The following UBA5 variants were observed in gnomAD, a reference collection of about 807,000 sequenced individuals.
The protein encoded by UBA5 is ubiquitin like modifier activating enzyme 5.
Under a neutral mutation model 52.9 loss-of-function variants are expected in UBA5, and 28 were observed. The observed-to-expected ratio is 0.53, with a 90% confidence interval of 0.39 to 0.73. The LOEUF (loss-of-function observed/expected upper bound fraction) is 0.73, where lower values mean the gene tolerates loss of function less well. Among genes scored for constraint, UBA5 ranks in the 30% least tolerant of loss-of-function variants. UBA5 has a pLI of 0.00. For missense variants in UBA5, 388 were observed against 492.7 expected (o/e 0.79, Z 2.01); for synonymous variants, 135 against 162.1 (o/e 0.83, Z 1.27).
chr3:132,661,684 C>T (rs897373248), intron 1 of UBA5, among the ~76,000 whole-genome samples: 1 of 152,126 alleles, frequency 6.6e-6, no homozygotes, highest in Admixed American at 6.5e-5. Flanking sequence ...TTAGATTTGT[C>T]TTAATGTAAA....
chr3:132,672,293 T>A, intron 8 of UBA5, 116 bp downstream of exon 8: 2 of 1,207,904 alleles, frequency 1.7e-6, no homozygotes, highest in Non-Finnish European at 1.1e-6. Context: ...TTAGTTACTT[T>A]AAACTTAAAT....
intron 6 of UBA5, 37 bp from the exon 7 acceptor site, chr3:132,671,735 CTTTTA>C (rs149563481): frequency 0.019 from 28,465 of 1,481,490 alleles, 504 homozygotes; most frequent in South Asian, 0.067. Flanking sequence ...ACTTCTTGCT[CTTTTA>C]TTTTTTTTCC....
upstream of UBA5, chr3:132,659,620 C>T: frequency 6.2e-7 from 1 of 1,610,088 alleles, no homozygotes; most frequent in Non-Finnish European, 8.5e-7. Flanking sequence ...GGGCAATGGT[C>T]AGCGTAGCCT....
Position 132,671,776 on chromosome 3 carries a change from G to A in UBA5, c.580-1G>A. 6.2e-7 allele frequency: 1 copy of A among 1,609,190 alleles called. No individual in the cohort carries two copies. Among genetic ancestry groups the A allele is most frequent in the South Asian group, 1.1e-5 (1 of 89,838 alleles). On this transcript the variant is annotated splice_acceptor_variant, in intron 6 of 11. Transcript: ENST00000356232. LOFTEE classifies it high-confidence loss of function. ...TTATGTTTTCACCCATTTCTACTAA[G>A]GCTTGTAATGAACTTGGACAAACAT...
Position 132,666,645 on chromosome 3 carries a change from A to G in UBA5, c.297+572A>G, listed in dbSNP as rs1938391433. ...ATGGTTGAATGAATAAGCTTTCCAC[A>G]ATTATATATCCTTTAATTTGTTGTT... On this transcript the variant is annotated intron_variant, in intron 3 of 11. Coordinates refer to ENST00000356232, the MANE Select transcript of UBA5 (RefSeq NM_024818.6). 2.0e-5 allele frequency among the ~76,000 whole-genome samples: 3 copies of G among 152,098 alleles called. No homozygotes were observed. In the South Asian group the frequency reaches 6.2e-4, roughly 31 times the overall value.
chr3:132,671,176 T>C (rs991279095), intron 6 of UBA5, 127 bp downstream of exon 6: 23 of 763,040 alleles, frequency 3.0e-5, no homozygotes, highest in Non-Finnish European at 4.0e-5. Flanking sequence ...TTATTTGTAA[T>C]GTTCTCTTAG....
chr3:132,676,830 G>A lies in UBA5; in HGVS notation c.*304G>A. ...TTTGGAGTGGGGGAAGGACAAATCT[G>A]ATCCTGTAATCTTTTTCTTTCCAGT... On this transcript the variant is annotated 3_prime_UTR_variant, in exon 12 of 12. Transcript: ENST00000356232. This position sits in a 1 kb window ranked among gnomAD's most constrained non-coding sequence, Gnocchi z 4.1. 4.2e-6 allele frequency: 2 copies of A among 475,674 alleles called. No individual in the cohort carries two copies. The highest frequency in any genetic ancestry group is 8.3e-6 in the Non-Finnish European group (2 of 239,758). The allele number at this position is 475,674 out of a possible 1,614,324, so 29.5% of individuals were successfully genotyped here. A position where few individuals can be genotyped will look rare whatever the true frequency, so the allele number is the denominator to read the frequency against.
At chr3:132,654,907 C>T (rs1259241077) in intron 1 of UBA5, among the ~76,000 whole-genome samples, 1 of 152,136 alleles carries the variant, frequency 6.6e-6, no homozygotes, top group East Asian at 1.9e-4. Context: ...GATTTGAACC[C>T]GATAGGACAC....
rs59956066 is a variant in UBA5, at chr3:132,672,015, CTTTT to C, written c.685-29_685-26del. On this transcript the variant is annotated intron_variant, in intron 7 of 11. Coordinates refer to ENST00000356232, the MANE Select transcript of UBA5 (RefSeq NM_024818.6). ...ATTTGGAACATCTCATACTTTTTCT[CTTTT>C]TTTTTGAAATGTGTTTTATTTTTCA... The C allele has an allele frequency of 2.1e-5, 34 of 1,593,660 alleles. No homozygotes were observed. In the South Asian group the frequency reaches 3.8e-4, roughly 18 times the overall value.
chr3:132,667,338 GTTATA>G (rs1398542669), intron 3 of UBA5: 4 of 152,178 alleles, frequency 2.6e-5, no homozygotes, highest in African/African-American at 9.7e-5. Flanking sequence ...TAGAACAGTA[GTTATA>G]TATTGCTGTA....
At chr3:132,666,320 T>A (rs1445437132) in intron 3 of UBA5, among the ~76,000 whole-genome samples, 1 of 152,148 alleles carries the variant, frequency 6.6e-6, no homozygotes, top group Non-Finnish European at 1.5e-5. Context: ...TGGACTTAGG[T>A]GTTTTAGATA....
upstream of UBA5, chr3:132,659,658 G>A (rs752553531): frequency 1.2e-6 from 2 of 1,611,742 alleles, no homozygotes; most frequent in African/African-American, 1.3e-5. Context: ...CCAGACAAGT[G>A]CTGGTTTAGG....
intron 8 of UBA5, among the ~76,000 whole-genome samples, chr3:132,673,755 TC>T (rs1292005808): frequency 6.6e-6 from 1 of 151,592 alleles, no homozygotes; most frequent in Non-Finnish European, 1.5e-5. Flanking sequence ...ACTGCAGTCT[TC>T]CAGGTTCAAG....
Position 132,660,900 on chromosome 3 carries a change from G to A in UBA5, c.161+202G>A. On this transcript the variant is annotated intron_variant, in intron 1 of 11. Coordinates refer to ENST00000356232, the MANE Select transcript of UBA5 (RefSeq NM_024818.6). This position sits in a 1 kb window ranked among gnomAD's most constrained non-coding sequence, Gnocchi z 4.1. ...TTTCTCTTTTTTAAAAACCTCCAGT[G>A]AGTCAGCCATATGGTGCTGCTCCTG... 1 of 1,451,806 alleles carries A rather than the reference G, an allele frequency of 6.9e-7. No individual in the cohort carries two copies. The highest frequency in any genetic ancestry group is 9.0e-7 in the Non-Finnish European group (1 of 1,106,206). 89.9% of individuals were successfully genotyped at this position (1,451,806 alleles called of 1,614,324 possible).
At chr3:132,667,251 G>T (rs997958191) in intron 3 of UBA5, 4 of 152,298 alleles carry the variant, frequency 2.6e-5, no homozygotes, top group African/African-American at 9.6e-5. Context: ...TAAAGTTGGA[G>T]AAGTGCTCTT....
At chr3:132,654,919 C>G (rs1937701948) in intron 1 of UBA5, among the ~76,000 whole-genome samples, 1 of 152,220 alleles carries the variant, frequency 6.6e-6, no homozygotes, top group Non-Finnish European at 1.5e-5. Context: ...ATAGGACACA[C>G]CTGAGCTCTG....
rs1174214215 is a variant in UBA5 at position 132,676,866 on chromosome 3, G to A, written c.*340G>A. ...CTTTTTCTTTCCAGTAATCCCTTGTGTCTGTTGCATGAGGACATGGACAAT... is the reference window on the plus strand; with the variant it reads ...CTTTTTCTTTCCAGTAATCCCTTGTATCTGTTGCATGAGGACATGGACAAT... On this transcript the variant is annotated 3_prime_UTR_variant, in exon 12 of 12. Coordinates refer to ENST00000356232, the MANE Select transcript of UBA5 (RefSeq NM_024818.6). This position sits in a 1 kb window ranked among gnomAD's most constrained non-coding sequence, Gnocchi z 4.1. 8.7e-6 allele frequency: 4 copies of A among 461,272 alleles called. No individual in the cohort carries two copies. The highest frequency in any genetic ancestry group is 6.2e-5 in the South Asian group (4 of 64,596). 28.6% of individuals were successfully genotyped at this position (461,272 alleles called of 1,614,324 possible).
Position 132,660,373 on chromosome 3 carries a change from C to T in UBA5, c.-165C>T. 2 of 831,556 alleles carry T rather than the reference C, an allele frequency of 2.4e-6. No homozygotes were observed. Among genetic ancestry groups the T allele is most frequent in the South Asian group, 3.6e-5 (2 of 56,232 alleles). The allele number at this position is 831,556 out of a possible 1,614,324, so 51.5% of individuals were successfully genotyped here. On this transcript the variant is annotated 5_prime_UTR_variant, in exon 1 of 12. In the 5' UTR this introduces an upstream ATG that the reference lacks. Transcript: ENST00000356232. This position sits in a 1 kb window ranked among gnomAD's most constrained non-coding sequence, Gnocchi z 4.1. ...GGAAGGCCTGTGGGAGTCTCGGAGACGTGTCTGTCTGTGAGGCGCTGGGTG... is the reference window on the plus strand; with the variant it reads ...GGAAGGCCTGTGGGAGTCTCGGAGATGTGTCTGTCTGTGAGGCGCTGGGTG...
In UBA5 at chr3:132,671,860, T is replaced by G. The variant is rs1249614412; in HGVS notation, c.663T>G (p.Pro221=). ...AVSGHIQLII[P]GESACFACAP... ...CAGGGCATATACAGCTTATAATTCC[T>G]GGAGAATCTGCTTGTTTTGCGGTAT... The change falls in exon 7 of 12, where the codon CCT becomes CCG. Residue 221 remains proline (P), a synonymous_variant. Coordinates refer to ENST00000356232, the MANE Select transcript of UBA5 (RefSeq NM_024818.6). The G allele has an allele frequency of 6.2e-7, 1 of 1,613,236 alleles. No homozygotes were observed. The highest frequency in any genetic ancestry group is 1.3e-5 in the African/African-American group (1 of 74,884).
Sources: allele counts gnomAD v4.1 joint callset (sites outside exome capture counted in the v4.1 genomes callset), GRCh38; gene constraint gnomAD v4.1.1; non-coding constraint Gnocchi (gnomAD v3.1); transcripts MANE v1.5; gene names NCBI Gene and HGNC (gene_info 2026-07-23, HGNC 2026-07-21).